The following LAMA2 variants were observed in gnomAD, a reference collection of about 807,000 sequenced individuals.
The protein encoded by LAMA2 is laminin subunit alpha 2.
Under a neutral mutation model 364.8 loss-of-function variants are expected in LAMA2, and 269 were observed. The observed-to-expected ratio is 0.74, with a 90% CI of 0.67 to 0.82. LAMA2 has a LOEUF of 0.82. Among genes scored for constraint, LAMA2 ranks in the 40% least tolerant of loss-of-function variants. The probability of loss-of-function intolerance (pLI) is 0.00; values close to 1 mark genes in which losing one functional copy is unlikely to be tolerated. For synonymous variants in LAMA2, 1,379 were observed against 1,370.6 expected, an observed-to-expected ratio of 1.01 and a Z score of -0.14; for missense variants, 3,807 against 3,873.2, an observed-to-expected ratio of 0.98 and a Z score of 0.45.
In LAMA2 at chr6:128,947,256, C is replaced by T. The variant is rs115781698; in HGVS notation, c.112+63899C>T. 4.5e-3 allele frequency among the ~76,000 whole-genome samples: 690 copies of T among 152,288 alleles called. 5 individuals are homozygous for T. Among genetic ancestry groups the T allele is most frequent in the African/African-American group, 0.016 (657 of 41,566 alleles). On this transcript the variant is annotated intron_variant, in intron 1 of 64. Transcript: ENST00000421865. ...AAGTATTTTAACTACCAGGTTTGCA[C>T]GTTGACTTCTTTATGCTTCATTTGG...
intron 8 of LAMA2, among the ~76,000 whole-genome samples, chr6:129,163,903 T>C (rs1240490641): frequency 6.6e-6 from 1 of 152,230 alleles, no homozygotes; most frequent in East Asian, 1.9e-4. Context: ...AAATACTCCA[T>C]ACCTTCACTC....
chr6:128,991,177 C>T (rs1301242558), intron 1 of LAMA2, among the ~76,000 whole-genome samples: 11 of 152,048 alleles, frequency 7.2e-5, no homozygotes, highest in African/African-American at 2.4e-4. Context: ...AATTTTTTTC[C>T]GTGAGAATAG....
chr6:128,932,571 G>A (rs757778079), intron 1 of LAMA2, among the ~76,000 whole-genome samples: 1 of 152,184 alleles, frequency 6.6e-6, no homozygotes, highest in African/African-American at 2.4e-5. Flanking sequence ...AACATGAATA[G>A]TATAGGAAAA....
chr6:128,893,490 A>T (rs1353277751), intron 1 of LAMA2, among the ~76,000 whole-genome samples: 3 of 151,934 alleles, frequency 2.0e-5, no homozygotes, highest in African/African-American at 7.2e-5. Flanking sequence ...AGGACCCATG[A>T]CACATAGCTT....
intron 3 of LAMA2, among the ~76,000 whole-genome samples, chr6:129,074,884 C>G (rs890283215): frequency 1.3e-5 from 2 of 151,750 alleles, no homozygotes; most frequent in Non-Finnish European, 2.9e-5. Flanking sequence ...AGCTTCATGC[C>G]CCTTATGGCA....
intron 40 of LAMA2, among the ~76,000 whole-genome samples, chr6:129,422,798 T>C (rs1006587574): frequency 6.6e-6 from 1 of 152,014 alleles, no homozygotes; most frequent in South Asian, 2.1e-4. Flanking sequence ...TTTCAGAAAA[T>C]TGAAGAGGAG....
Position 129,449,799 on chromosome 6 carries a change from CTTTTTTTTTTT to C in LAMA2, c.6430-3177_6430-3167del, listed in dbSNP as rs567411928. On this transcript the variant is annotated intron_variant, in intron 45 of 64. Transcript: ENST00000421865. ...TAGTGCTGCTGCTCTGTCTGCTACACTTTTTTTTTTTTTTTTTTTTTTGAGATGGAATCTCA... is the reference window on the plus strand; with the variant it reads ...TAGTGCTGCTGCTCTGTCTGCTACACTTTTTTTTTTTGAGATGGAATCTCA... Among the ~76,000 whole-genome samples, 6 of 123,174 alleles carry C rather than the reference CTTTTTTTTTTT, an allele frequency of 4.9e-5. No homozygotes were observed. The East Asian group carries it at 1.2e-3, about 24-fold the overall frequency. The allele number at this position is 123,174 out of a possible 152,430, so 80.8% of individuals were successfully genotyped here.
intron 62 of LAMA2, among the ~76,000 whole-genome samples, chr6:129,511,058 A>ATAAT (rs1786530681): frequency 6.6e-6 from 1 of 152,092 alleles, no homozygotes; most frequent in African/African-American, 2.4e-5. Flanking sequence ...CTGGGCTCTT[A>ATAAT]TAATTCTGGA....
At chr6:128,959,596 G>A (rs1383682831) in intron 1 of LAMA2, among the ~76,000 whole-genome samples, 1 of 152,010 alleles carries the variant, frequency 6.6e-6, no homozygotes, top group Admixed American at 6.6e-5. Flanking sequence ...TTCTCCCCAA[G>A]ATATCTTCTG....
rs749823322 is a variant in LAMA2 at position 128,990,849 on chromosome 6, A to G, written c.113-59069A>G. ...CTTGTCAATACATAAATTATACAGT[A>G]TTATATATCTCTATATATGCATAAA... On this transcript the variant is annotated intron_variant, in intron 1 of 64. Coordinates refer to ENST00000421865, the MANE Select transcript of LAMA2 (RefSeq NM_000426.4). 6.6e-5 allele frequency among the ~76,000 whole-genome samples: 10 copies of G among 152,296 alleles called. No individual in the cohort carries two copies. In the East Asian group the frequency reaches 1.7e-3, roughly 26 times the overall value.
intron 60 of LAMA2, among the ~76,000 whole-genome samples, chr6:129,504,562 GTTT>G (rs1785904862): frequency 6.6e-6 from 1 of 152,042 alleles, no homozygotes; most frequent in Non-Finnish European, 1.5e-5. Context: ...CAGACTCAAG[GTTT>G]TTATACTCCA....
chr6:129,295,708 A>C (rs1437813684), intron 20 of LAMA2, among the ~76,000 whole-genome samples: 1 of 151,946 alleles, frequency 6.6e-6, no homozygotes, highest in Non-Finnish European at 1.5e-5. Context: ...TGATTGATTT[A>C]AAGGGGTGTA....
intron 12 of LAMA2, among the ~76,000 whole-genome samples, chr6:129,202,812 G>T (rs1313238310): frequency 6.6e-6 from 1 of 152,210 alleles, no homozygotes; most frequent in Non-Finnish European, 1.5e-5. Flanking sequence ...AGAAATAGAA[G>T]TTGAAAGAAT....
At chr6:129,347,306 G>T (rs1214862693) in intron 30 of LAMA2, among the ~76,000 whole-genome samples, 1 of 152,110 alleles carries the variant, frequency 6.6e-6, no homozygotes, top group African/African-American at 2.4e-5. Context: ...GAAAGGTCTG[G>T]TGTATTTTTG....
chr6:129,272,681 C>T (rs1370102299), intron 17 of LAMA2, among the ~76,000 whole-genome samples: 1 of 152,084 alleles, frequency 6.6e-6, no homozygotes, highest in African/African-American at 2.4e-5. Flanking sequence ...TGCAGGGGTC[C>T]TCAACCATCT....
intron 60 of LAMA2, 129 bp downstream of exon 60, chr6:129,503,409 G>A (rs1301597815): frequency 1.2e-6 from 1 of 846,156 alleles, no homozygotes; most frequent in African/African-American, 1.7e-5. Flanking sequence ...AATAAAATAA[G>A]TGCCATATAC....
chr6:129,288,183 A>G (rs1789418113), intron 19 of LAMA2, 125 bp downstream of exon 19: 1 of 788,832 alleles, frequency 1.3e-6, no homozygotes, highest in African/African-American at 1.7e-5. Flanking sequence ...ATAGATGCAT[A>G]GAATATACAG....
intron 12 of LAMA2, among the ~76,000 whole-genome samples, chr6:129,210,998 C>T (rs1276734216): frequency 2.0e-5 from 3 of 152,148 alleles, no homozygotes; most frequent in African/African-American, 2.4e-5. Flanking sequence ...TATGTCCCCA[C>T]GGCCTCATCT....
rs775316325 is a variant in LAMA2, at chr6:129,250,184, C to T, written c.1855C>T (p.Arg619Cys). 7 of 1,601,762 alleles carry T rather than the reference C, an allele frequency of 4.4e-6. No individual in the cohort carries two copies. The highest frequency in any genetic ancestry group is 2.2e-5 in the East Asian group (1 of 44,794). Residue 619 changes from arginine (R) to cysteine (C), a missense_variant, in exon 13 of 65, where the codon CGT becomes TGT. Around this residue, in one of 3 missense-constraint regions of LAMA2, gnomAD observed 3,333 missense variants for 3,345.7 expected, o/e 1.00. Transcript: ENST00000421865. ...TGAAGAAGAGGAAGAAGATACAGAA[C>T]GTGTTCTCCAGCTTATGATTATCTT... ...DLEEEEEDTE[R>C]VLQLMIILEG...
Sources: allele counts gnomAD v4.1 joint callset (sites outside exome capture counted in the v4.1 genomes callset), GRCh38; gene constraint gnomAD v4.1.1; regional missense constraint gnomAD v4.1.1; transcripts MANE v1.5; gene names NCBI Gene and HGNC (gene_info 2026-07-23, HGNC 2026-07-21).